AMBRA1: variants seen among roughly 807,000 people sequenced by gnomAD.
AMBRA1 encodes activating molecule in BECN1-regulated autophagy protein 1.
A neutral mutation model predicts 125.4 loss-of-function variants in AMBRA1; 47 were observed. The observed-to-expected ratio is 0.37, with a 90% confidence interval of 0.30 to 0.48. The LOEUF (loss-of-function observed/expected upper bound fraction) is 0.48. Ranked by LOEUF, AMBRA1 falls within the 20% of genes least tolerant of loss-of-function variation. The pLI, the probability that AMBRA1 is intolerant of heterozygous loss-of-function variation, is 0.99. For synonymous variants in AMBRA1, 626 were observed against 655.5 expected (o/e 0.95, Z 0.69); for missense variants, 1,331 against 1,693.4 (o/e 0.79, Z 3.76).
intron 7 of AMBRA1, among the ~76,000 whole-genome samples, chr11:46,524,481 G>C (rs942912991): frequency 6.6e-6 from 1 of 152,198 alleles, no homozygotes; most frequent in African/African-American, 2.4e-5. Flanking sequence ...AGAAAACTCT[G>C]AGTAACTAAA....
chr11:46,546,807 A>C (rs1331753426), intron 4 of AMBRA1, among the ~76,000 whole-genome samples: 1 of 152,236 alleles, frequency 6.6e-6, no homozygotes, highest in East Asian at 1.9e-4. Flanking sequence ...ATGGTGGCTC[A>C]TGCCTGTAAT....
At chr11:46,443,646 T>C in intron 11 of AMBRA1, 48 bp from the exon 12 acceptor site, 1 of 1,481,806 alleles carries the variant, frequency 6.7e-7, no homozygotes, top group Non-Finnish European at 9.4e-7. Flanking sequence ...TTTATCCACG[T>C]TTCCACTGCA....
intron 11 of AMBRA1, among the ~76,000 whole-genome samples, chr11:46,471,064 A>G (rs1034036174): frequency 2.3e-4 from 35 of 152,224 alleles, no homozygotes; most frequent in African/African-American, 7.7e-4. Flanking sequence ...CTGAATCCCT[A>G]TCTAATAGAT....
At chr11:46,453,553 C>T (rs542375066) in intron 11 of AMBRA1, among the ~76,000 whole-genome samples, 5 of 152,104 alleles carry the variant, frequency 3.3e-5, no homozygotes, top group Non-Finnish European at 7.4e-5. Flanking sequence ...AACCAGCAAT[C>T]ATAAAAGGAC....
At chr11:46,472,308 G>A (rs998776487) in intron 11 of AMBRA1, among the ~76,000 whole-genome samples, 1 of 152,182 alleles carries the variant, frequency 6.6e-6, no homozygotes, top group African/African-American at 2.4e-5. Context: ...TTAGCATTGA[G>A]GTGTTCTTGT....
At chr11:46,540,354 T>C (rs946936582) in intron 7 of AMBRA1, among the ~76,000 whole-genome samples, 1 of 152,184 alleles carries the variant, frequency 6.6e-6, no homozygotes, top group Non-Finnish European at 1.5e-5. Flanking sequence ...GCCTACTACA[T>C]GTCATGCCCT....
At chr11:46,416,227 T>C (rs1293384879) in intron 15 of AMBRA1, among the ~76,000 whole-genome samples, 2 of 152,128 alleles carry the variant, frequency 1.3e-5, no homozygotes, top group Admixed American at 6.6e-5. Context: ...AGAAAAGAGA[T>C]AAGACAATCA....
rs1267211856 is a variant in AMBRA1, at chr11:46,397,802, ATGT to A, written c.3542_3544del (p.Asn1181del). 1 of 1,608,882 alleles carries A rather than the reference ATGT, an allele frequency of 6.2e-7. No individual in the cohort carries two copies. Among genetic ancestry groups the A allele is most frequent in the Non-Finnish European group, 8.5e-7 (1 of 1,179,984 alleles). On this transcript the variant is annotated inframe_deletion, in exon 18 of 18. Coordinates refer to ENST00000683756, the MANE Select transcript of AMBRA1 (RefSeq NM_001387011.1). Reference sequence around the variant, plus strand: ...GCGGTGAATGCGGTGGCTGACGATGATGTTGTTGCCGAAGCCGCCCATGGAGGC... The same window carrying A: ...GCGGTGAATGCGGTGGCTGACGATGATGTTGCCGAAGCCGCCCATGGAGGC...
intron 7 of AMBRA1, among the ~76,000 whole-genome samples, chr11:46,517,440 C>T (rs556464353): frequency 4.1e-5 from 6 of 146,432 alleles, no homozygotes; most frequent in Middle Eastern, 3.8e-3. Context: ...TAAGCCACCG[C>T]GCCCGGCTAG....
In AMBRA1 at chr11:46,554,701, A is replaced by C. The variant is rs191425784; in HGVS notation, c.-120-6201T>G. On this transcript the variant is annotated intron_variant, in intron 1 of 17. Transcript: ENST00000683756. ...GTAAAGAACAAAGGGAGCTAAGTCA[A>C]ACTGAAGTCACACAGGGCTGCTGAT... Among the ~76,000 whole-genome samples, 53 of 152,344 alleles carry C rather than the reference A, an allele frequency of 3.5e-4. 1 individual carries two copies. Among genetic ancestry groups the C allele is most frequent in the Admixed American group, 3.3e-3 (50 of 15,292 alleles).
chr11:46,457,949 TGCTGTTTTCC>T (rs2136821493), intron 11 of AMBRA1, among the ~76,000 whole-genome samples: 1 of 150,218 alleles, frequency 6.7e-6, no homozygotes, highest in East Asian at 2.0e-4. Flanking sequence ...GGCCCAGCCA[TGCTGTTTTCC>T]TTTAGATTCT....
At chr11:46,451,339 A>G (rs1948586283) in intron 11 of AMBRA1, among the ~76,000 whole-genome samples, 1 of 152,210 alleles carries the variant, frequency 6.6e-6, no homozygotes, top group Non-Finnish European at 1.5e-5. Context: ...GGATAAAATC[A>G]TAATAATCAT....
At chr11:46,527,716 A>G (rs1047640468) in intron 7 of AMBRA1, among the ~76,000 whole-genome samples, 1 of 152,108 alleles carries the variant, frequency 6.6e-6, no homozygotes, top group African/African-American at 2.4e-5. Flanking sequence ...AACATGACTA[A>G]TCATTAGGGA....
Position 46,396,955 on chromosome 11 carries a change from G to C in AMBRA1, c.*495C>G, listed in dbSNP as rs1454842889. 1 of 153,304 alleles carries C rather than the reference G, an allele frequency of 6.5e-6. No individual in the cohort carries two copies. Among genetic ancestry groups the C allele is most frequent in the Non-Finnish European group, 1.5e-5 (1 of 68,536 alleles). The allele number at this position is 153,304 out of a possible 1,614,324, so 9.5% of individuals were successfully genotyped here. On this transcript the variant is annotated 3_prime_UTR_variant, in exon 18 of 18. Transcript: ENST00000683756. ...ATCCCTGTTGGTTTCAGTGGGGTAAGACGACGAAGAGAGGCTGAAGCTCTG... is the reference window on the plus strand; with the variant it reads ...ATCCCTGTTGGTTTCAGTGGGGTAACACGACGAAGAGAGGCTGAAGCTCTG...
intron 7 of AMBRA1, among the ~76,000 whole-genome samples, chr11:46,541,110 G>A (rs1205759767): frequency 2.0e-5 from 3 of 152,210 alleles, no homozygotes; most frequent in Admixed American, 2.0e-4. Context: ...TGGTGATTAT[G>A]CTAGCTTTGA....
At chr11:46,459,481 C>T (rs1302228346) in intron 11 of AMBRA1, among the ~76,000 whole-genome samples, 1 of 152,034 alleles carries the variant, frequency 6.6e-6, no homozygotes, top group East Asian at 1.9e-4. Context: ...GAAACCGACG[C>T]AAGTGGATCA....
At chr11:46,425,040 A>T (rs1054696875) in intron 14 of AMBRA1, among the ~76,000 whole-genome samples, 8 of 152,192 alleles carry the variant, frequency 5.3e-5, no homozygotes, top group African/African-American at 1.9e-4. Flanking sequence ...AGGCTGAGGC[A>T]GGAGAATTGC....
intron 1 of AMBRA1, among the ~76,000 whole-genome samples, chr11:46,553,490 T>C (rs1344708914): frequency 1.3e-5 from 2 of 151,878 alleles, no homozygotes; most frequent in East Asian, 3.9e-4. Context: ...CTCACACCTG[T>C]AATCCCAGCA....
chr11:46,511,857 GTCT>G (rs990584176), intron 8 of AMBRA1, among the ~76,000 whole-genome samples: 2 of 151,952 alleles, frequency 1.3e-5, no homozygotes, highest in Non-Finnish European at 2.9e-5. Context: ...CTTTTCAAAT[GTCT>G]TCTTTTTTTT....
Sources: allele counts gnomAD v4.1 joint callset (sites outside exome capture counted in the v4.1 genomes callset), GRCh38; gene constraint gnomAD v4.1.1; transcripts MANE v1.5; gene names NCBI Gene and HGNC (gene_info 2026-07-23, HGNC 2026-07-21).